The following G3BP2 variants were observed in gnomAD, a reference collection of about 807,000 sequenced individuals.
G3BP2 encodes the protein ras GTPase-activating protein-binding protein 2.
Under a neutral mutation model 56.7 loss-of-function variants are expected in G3BP2, and 11 were observed. That is an observed-to-expected ratio of 0.19 (90% CI 0.12 to 0.32). The LOEUF is 0.32. Among genes scored for constraint, G3BP2 ranks in the 10% least tolerant of loss-of-function variants. The probability of loss-of-function intolerance (pLI) is 1.00; values close to 1 mark genes in which losing one functional copy is unlikely to be tolerated. For synonymous variants in G3BP2, 165 were observed against 191.6 expected (o/e 0.86, Z 1.15); for missense variants, 340 against 610.9 (o/e 0.56, Z 4.67).
intron 3 of G3BP2, among the ~76,000 whole-genome samples, chr4:75,694,514 G>A (rs1033628875): frequency 1.3e-5 from 2 of 152,250 alleles, no homozygotes; most frequent in Admixed American, 6.5e-5. Flanking sequence ...TGAGGCAGGA[G>A]AATGGCGCGA....
chr4:75,718,318 T>C (rs1180125011), intron 3 of G3BP2, among the ~76,000 whole-genome samples: 1 of 151,816 alleles, frequency 6.6e-6, no homozygotes, highest in Non-Finnish European at 1.5e-5. Flanking sequence ...GGTTATACTT[T>C]CTTTAAAAAA....
In G3BP2 at chr4:75,645,601, A is replaced by G. The variant is rs1731159274; in HGVS notation, c.1278T>C (p.Asp426=). ...ETRGGGDDRR[D]IRRNDRGPGG... ...CGGGACCTCGATCATTGCGCCTAAT[A>G]TCCCTGCGATCATCACCACCACCTC... Residue 426 remains aspartate, a synonymous_variant, in exon 12 of 12, where the codon GAT becomes GAC. Transcript: ENST00000359707. 3.7e-6 allele frequency: 6 copies of G among 1,613,846 alleles called. No individual in the cohort carries two copies. The highest frequency in any genetic ancestry group is 5.1e-6 in the Non-Finnish European group (6 of 1,179,954).
At chr4:75,694,473 G>C (rs887717308) in intron 3 of G3BP2, among the ~76,000 whole-genome samples, 1 of 152,190 alleles carries the variant, frequency 6.6e-6, no homozygotes, top group East Asian at 1.9e-4. Context: ...GCGTGGTGGC[G>C]GGCGCCTGTA....
intron 3 of G3BP2, among the ~76,000 whole-genome samples, chr4:75,693,905 T>TA (rs1718986252): frequency 6.6e-6 from 1 of 151,970 alleles, no homozygotes; most frequent in African/African-American, 2.4e-5. Context: ...CTGGCTAATT[T>TA]TTTTTTTTTA....
chr4:75,654,049 GT>G lies in G3BP2; in HGVS notation c.758del (p.Asn253ThrfsTer72). On this transcript the variant is annotated frameshift_variant, in exon 8 of 12. Transcript: ENST00000359707. LOFTEE classifies it high-confidence loss of function. ...AFSWASVTSK[N>X]LPPSGTVSSS... ...AAGAAACAGTACCACTAGGAGGCAG[GT>G]TTTTACTGGTCACTGAAGCCCAGGA... 1.3e-6 allele frequency: 2 copies of G among 1,588,360 alleles called. No individual in the cohort carries two copies. The highest frequency in any genetic ancestry group is 1.7e-6 in the Non-Finnish European group (2 of 1,156,786).
chr4:75,677,517 C>T (rs1733924585), upstream of G3BP2, among the ~76,000 whole-genome samples: 1 of 151,682 alleles, frequency 6.6e-6, no homozygotes, highest in Non-Finnish European at 1.5e-5. Flanking sequence ...GTTGTGGTAA[C>T]CCGAGATCGC....
At chr4:75,695,586 C>T (rs554550223) in intron 3 of G3BP2, among the ~76,000 whole-genome samples, 1 of 152,254 alleles carries the variant, frequency 6.6e-6, no homozygotes, top group South Asian at 2.1e-4. Context: ...AAGAGAAACA[C>T]AGATGACTGT....
At chr4:75,718,739 G>A (rs1720026674) in intron 3 of G3BP2, among the ~76,000 whole-genome samples, 1 of 152,160 alleles carries the variant, frequency 6.6e-6, no homozygotes, top group Non-Finnish European at 1.5e-5. Flanking sequence ...ATAGGCATGC[G>A]ACCCTATCAG....
At chr4:75,718,711 C>T (rs1177906977) in intron 3 of G3BP2, among the ~76,000 whole-genome samples, 2 of 152,240 alleles carry the variant, frequency 1.3e-5, no homozygotes, top group East Asian at 3.9e-4. Context: ...CCTTAAACTA[C>T]AGGAATTAGC....
intron 10 of G3BP2, 96 bp downstream of exon 10, chr4:75,646,933 A>C (rs1046215819): frequency 4.1e-6 from 3 of 727,814 alleles, no homozygotes; most frequent in African/African-American, 1.8e-5. Context: ...ATAAAGAGAG[A>C]AACATTTAAA....
chr4:75,696,909 T>C (rs1681076294), intron 3 of G3BP2, among the ~76,000 whole-genome samples: 2 of 152,204 alleles, frequency 1.3e-5, no homozygotes, highest in African/African-American at 4.8e-5. Flanking sequence ...AAGATGGTCA[T>C]TCCTCATAAA....
intron 1 of G3BP2, among the ~76,000 whole-genome samples, chr4:75,671,457 AGCT>A (rs1733479973): frequency 6.6e-6 from 1 of 152,242 alleles, no homozygotes; most frequent in African/African-American, 2.4e-5. Flanking sequence ...TCAACTGCTC[AGCT>A]GCTAACTGAA....
chr4:75,680,132 G>C (rs766276626), intron 3 of G3BP2, among the ~76,000 whole-genome samples: 26 of 152,214 alleles, frequency 1.7e-4, no homozygotes, highest in Non-Finnish European at 3.5e-4. Context: ...CTGTGACACA[G>C]AGAAGGGGGC....
chr4:75,687,292 G>C (rs1718654526), intron 3 of G3BP2, among the ~76,000 whole-genome samples: 1 of 152,134 alleles, frequency 6.6e-6, no homozygotes, highest in Non-Finnish European at 1.5e-5. Context: ...AAGATCTGAT[G>C]GTTTTAAAAA....
chr4:75,677,355 G>A (rs1371898869), upstream of G3BP2, among the ~76,000 whole-genome samples: 2 of 151,980 alleles, frequency 1.3e-5, no homozygotes, highest in Admixed American at 6.6e-5. Flanking sequence ...GGTGGATCAC[G>A]AGGTCAGGAG....
At chr4:75,682,213 G>C (rs540602260) in intron 3 of G3BP2, among the ~76,000 whole-genome samples, 1 of 152,026 alleles carries the variant, frequency 6.6e-6, no homozygotes, top group Non-Finnish European at 1.5e-5. Context: ...TCAAGAGCTC[G>C]AGACTATCCT....
intron 1 of G3BP2, chr4:75,672,881 G>C (rs1733604180): frequency 1.0e-5 from 4 of 394,522 alleles, no homozygotes. Flanking sequence ...GCGCGCCTTC[G>C]GGAGCTGCTG....
At position 75,645,404 on chromosome 4, in the gene G3BP2, G is replaced by A; in HGVS notation, c.*26C>T. On this transcript the variant is annotated 3_prime_UTR_variant, in exon 12 of 12. Transcript: ENST00000359707. ...CAAACACGATGAATAATGTACCACTGCCAAGACTTTGCCAACAGTGGAGCT... is the reference window on the plus strand; with the variant it reads ...CAAACACGATGAATAATGTACCACTACCAAGACTTTGCCAACAGTGGAGCT... The A allele has an allele frequency of 6.2e-7, 1 of 1,601,684 alleles. No homozygotes were observed. Among genetic ancestry groups the A allele is most frequent in the Non-Finnish European group, 8.5e-7 (1 of 1,172,594 alleles).
intron 3 of G3BP2, among the ~76,000 whole-genome samples, chr4:75,711,272 T>A (rs748358764): frequency 6.6e-6 from 1 of 151,294 alleles, no homozygotes; most frequent in East Asian, 1.9e-4. Context: ...TGAGCCAAGA[T>A]TGTGCCACTG....
Sources: gnomAD v4.1 joint callset for allele counts (sites outside exome capture counted in the v4.1 genomes callset) on GRCh38, gnomAD v4.1.1 for gene constraint, MANE v1.5 for transcripts, NCBI Gene and HGNC (gene_info 2026-07-23, HGNC 2026-07-21) for gene names.